The following SIPA1L1 variants were observed in gnomAD, a reference collection of about 807,000 sequenced individuals.
The protein encoded by SIPA1L1 is signal-induced proliferation-associated 1-like protein 1.
Under a neutral mutation model 162.7 loss-of-function variants are expected in SIPA1L1, and 26 were observed. That is an observed-to-expected ratio of 0.16 (90% CI 0.12 to 0.22). The LOEUF is 0.22. Ranked by LOEUF, SIPA1L1 falls within the 10% of genes least tolerant of loss-of-function variation. The probability of loss-of-function intolerance (pLI) is 1.00; values close to 1 mark genes in which losing one functional copy is unlikely to be tolerated. For synonymous variants in SIPA1L1, 829 were observed against 837.4 expected, an observed-to-expected ratio of 0.99 and a Z score of 0.17; for missense variants, 1,874 against 2,241.0, an observed-to-expected ratio of 0.84 and a Z score of 3.31.
chr14:71,499,639 A>G (rs1447153216), intron 2 of SIPA1L1, among the ~76,000 whole-genome samples: 1 of 152,210 alleles, frequency 6.6e-6, no homozygotes, highest in Non-Finnish European at 1.5e-5. Context: ...TAGGATAGCA[A>G]TAGAAATTAG....
chr14:71,730,034 T>C, intron 19 of SIPA1L1, 21 bp from the exon 20 acceptor site: 1 of 1,606,422 alleles, frequency 6.2e-7, no homozygotes, highest in South Asian at 1.1e-5. Flanking sequence ...GACTTTCTTT[T>C]GTCTTGATCC....
chr14:71,557,663 TA>T (rs2056460481), intron 4 of SIPA1L1, among the ~76,000 whole-genome samples: 2 of 152,142 alleles, frequency 1.3e-5, no homozygotes, highest in Non-Finnish European at 2.9e-5. Context: ...AAAATAAAAT[TA>T]AACTAGTCAT....
At chr14:71,383,319 A>G (rs959840383) in intron 2 of SIPA1L1, among the ~76,000 whole-genome samples, 5 of 152,196 alleles carry the variant, frequency 3.3e-5, no homozygotes, top group African/African-American at 1.2e-4. Flanking sequence ...GCTATGTTAT[A>G]CTTTGGGAAA....
At chr14:71,522,250 A>G (rs983323346) in intron 3 of SIPA1L1, among the ~76,000 whole-genome samples, 22 of 152,196 alleles carry the variant, frequency 1.4e-4, no homozygotes, top group South Asian at 1.0e-3. Flanking sequence ...TGCTGCTTTT[A>G]AGATTGTTTT....
chr14:71,729,994 C>G (rs1414466274), intron 19 of SIPA1L1, 61 bp from the exon 20 acceptor site: 32 of 1,570,020 alleles, frequency 2.0e-5, no homozygotes, highest in Non-Finnish European at 2.6e-5. Flanking sequence ...CTCCCCCAAC[C>G]TTGGTCTCAG....
chr14:71,729,203 T>A (rs904707541), intron 19 of SIPA1L1, among the ~76,000 whole-genome samples: 1 of 151,962 alleles, frequency 6.6e-6, no homozygotes, highest in Non-Finnish European at 1.5e-5. Flanking sequence ...GGCTGGGTAA[T>A]TTTTGTATTT....
At chr14:71,415,722 G>A (rs1266280579) in intron 2 of SIPA1L1, among the ~76,000 whole-genome samples, 1 of 151,182 alleles carries the variant, frequency 6.6e-6, no homozygotes, top group East Asian at 1.9e-4. Flanking sequence ...TTTTGAGATG[G>A]GATCTCACTC....
At chr14:71,528,526 G>A (rs1410200728) in intron 3 of SIPA1L1, among the ~76,000 whole-genome samples, 2 of 151,806 alleles carry the variant, frequency 1.3e-5, no homozygotes, top group South Asian at 2.1e-4. Flanking sequence ...GTGATGGTGC[G>A]CGCCTCTAGT....
chr14:71,471,834 G>A (rs2047484462), intron 2 of SIPA1L1, among the ~76,000 whole-genome samples: 1 of 152,140 alleles, frequency 6.6e-6, no homozygotes, highest in African/African-American at 2.4e-5. Context: ...TCTCTGGATG[G>A]CATTTAAATC....
At chr14:71,735,687 G>A (rs1044696350) in intron 22 of SIPA1L1, 16 of 280,192 alleles carry the variant, frequency 5.7e-5, no homozygotes, top group Middle Eastern at 1.0e-3. Flanking sequence ...TTTGCTCTAA[G>A]TATTCCTGTG....
intron 5 of SIPA1L1, among the ~76,000 whole-genome samples, chr14:71,610,556 A>T (rs151040119): frequency 2.7e-4 from 41 of 152,360 alleles, no homozygotes; most frequent in African/African-American, 9.6e-4. Flanking sequence ...TTTTAAAAAT[A>T]TAACTATTGG....
At chr14:71,607,054 T>A (rs2037609799) in intron 5 of SIPA1L1, among the ~76,000 whole-genome samples, 1 of 151,786 alleles carries the variant, frequency 6.6e-6, no homozygotes, top group Non-Finnish European at 1.5e-5. Context: ...CTTCATAGTG[T>A]AGAGGGAATT....
intron 4 of SIPA1L1, among the ~76,000 whole-genome samples, chr14:71,562,180 A>G (rs577981297): frequency 2.2e-4 from 34 of 151,882 alleles, no homozygotes; most frequent in Non-Finnish European, 4.4e-4. Context: ...TCTTGGGGAT[A>G]CTATGGTCAG....
chr14:71,546,407 G>A (rs1247795059), intron 4 of SIPA1L1, among the ~76,000 whole-genome samples: 3 of 111,344 alleles, frequency 2.7e-5, no homozygotes, highest in African/African-American at 3.6e-5. Flanking sequence ...ATGGAGTCTC[G>A]CACTGTCCCC....
chr14:71,665,904 G>A (rs1405378654), intron 10 of SIPA1L1, among the ~76,000 whole-genome samples: 1 of 152,114 alleles, frequency 6.6e-6, no homozygotes, highest in Non-Finnish European at 1.5e-5. Context: ...TTATATGAAT[G>A]TGGTCTCTCT....
chr14:71,360,284 C>T (rs2037681644), intron 2 of SIPA1L1, among the ~76,000 whole-genome samples: 1 of 152,056 alleles, frequency 6.6e-6, no homozygotes, highest in Non-Finnish European at 1.5e-5. Context: ...ATATATTTGA[C>T]CTTTAGAATT....
At chr14:71,562,143 A>G (rs1269280569) in intron 4 of SIPA1L1, among the ~76,000 whole-genome samples, 2 of 151,856 alleles carry the variant, frequency 1.3e-5, no homozygotes, top group East Asian at 1.9e-4. Context: ...TATTGTCTCA[A>G]TCTATGTGCC....
chr14:71,352,175 G>A (rs1311717707), intron 2 of SIPA1L1, among the ~76,000 whole-genome samples: 1 of 151,882 alleles, frequency 6.6e-6, no homozygotes, highest in East Asian at 1.9e-4. Flanking sequence ...ATGTACCATG[G>A]GATGAATTTT....
rs1566615600 is a variant in SIPA1L1 at position 71,671,940 on chromosome 14, T to TGTGC, written c.2829+251_2829+254dup. Among the ~76,000 whole-genome samples the TGTGC allele has an allele frequency of 2.9e-5, 4 of 136,970 alleles. No individual in the cohort carries two copies. The South Asian group carries it at 9.8e-4, about 33-fold the overall frequency. 89.9% of individuals were successfully genotyped at this position (136,970 alleles called of 152,430 possible). A position where few individuals can be genotyped will look rare whatever the true frequency, so the allele number is the denominator to read the frequency against. ...GTGTGTGTGTGTGTGTGTGTGTGTG[T>TGTGC]GTGCGTTCATGTTCAAAACCCATTT... On this transcript the variant is annotated intron_variant, in intron 11 of 23. Coordinates refer to ENST00000381232, the MANE Select transcript of SIPA1L1 (RefSeq NM_001386936.1).
Sources: allele counts gnomAD v4.1 joint callset (sites outside exome capture counted in the v4.1 genomes callset), GRCh38; gene constraint gnomAD v4.1.1; transcripts MANE v1.5; gene names NCBI Gene and HGNC (gene_info 2026-07-23, HGNC 2026-07-21).